Variants in KYNU observed in about 807,000 individuals in gnomAD.
KYNU encodes L-kynurenine hydrolase.
Under a neutral mutation model 59.2 loss-of-function variants are expected in KYNU, and 54 were observed. That is an observed-to-expected ratio of 0.91 (90% CI 0.73 to 1.14). The LOEUF is 1.14. Ranked by LOEUF, KYNU falls within the 50% of genes most tolerant of loss-of-function variation. The pLI is 0.00. For missense variants in KYNU, 567 were observed against 554.4 expected (o/e 1.02, Z -0.23); for synonymous variants, 177 against 192.0 (o/e 0.92, Z 0.65).
chr2:143,042,021 A>T (rs887882084), intron 13 of KYNU, 26 bp from the exon 14 acceptor site: 2 of 1,609,872 alleles, frequency 1.2e-6, no homozygotes, highest in African/African-American at 2.7e-5. Context: ...TGCTAACATT[A>T]TTGTGGCTTT....
intron 12 of KYNU, among the ~76,000 whole-genome samples, chr2:143,038,804 G>T (rs568382998): frequency 6.6e-6 from 1 of 152,210 alleles, no homozygotes; most frequent in African/African-American, 2.4e-5. Context: ...GCCTACACAT[G>T]CCACGTGTAC....
chr2:142,915,242 G>A (rs538593369), intron 2 of KYNU, among the ~76,000 whole-genome samples: 1 of 152,206 alleles, frequency 6.6e-6, no homozygotes, highest in East Asian at 1.9e-4. Context: ...GGAGATTGGA[G>A]GTCTCCAGTG....
At chr2:142,926,734 G>A (rs925556171) in intron 3 of KYNU, among the ~76,000 whole-genome samples, 1 of 152,212 alleles carries the variant, frequency 6.6e-6, no homozygotes, top group Admixed American at 6.5e-5. Context: ...AGTTGCTGGG[G>A]TCTGTCAGAA....
intron 10 of KYNU, among the ~76,000 whole-genome samples, chr2:143,012,470 A>G (rs1432709410): frequency 6.7e-6 from 1 of 149,996 alleles, no homozygotes; most frequent in African/African-American, 2.5e-5. Flanking sequence ...ATGACATAGC[A>G]TGACTCCATC....
chr2:142,964,369 C>G (rs548244185), intron 8 of KYNU, among the ~76,000 whole-genome samples: 2 of 152,128 alleles, frequency 1.3e-5, no homozygotes, highest in African/African-American at 4.8e-5. Flanking sequence ...ATCAATAATG[C>G]CAATCCTCCA....
At chr2:142,936,831 T>C (rs1683405954) in intron 4 of KYNU, among the ~76,000 whole-genome samples, 1 of 152,132 alleles carries the variant, frequency 6.6e-6, no homozygotes, top group Non-Finnish European at 1.5e-5. Flanking sequence ...CTCTCTGGGG[T>C]GGAGGGGTAG....
intron 5 of KYNU, 59 bp from the exon 6 acceptor site, chr2:142,956,144 A>T (rs546306552): frequency 0.02 from 19,313 of 945,266 alleles, 1,225 homozygotes; most frequent in African/African-American, 0.19. Flanking sequence ...TGTGACATAA[A>T]ATGAACAAAT....
At chr2:143,039,479 G>A (rs1006300787) in intron 12 of KYNU, among the ~76,000 whole-genome samples, 12 of 152,070 alleles carry the variant, frequency 7.9e-5, no homozygotes, top group Non-Finnish European at 1.5e-4. Context: ...ATTTATTAAG[G>A]TATGTTTTAC....
At chr2:143,040,109 G>A (rs1686994233) in intron 12 of KYNU, among the ~76,000 whole-genome samples, 1 of 152,068 alleles carries the variant, frequency 6.6e-6, no homozygotes, top group Non-Finnish European at 1.5e-5. Flanking sequence ...GGTCAGTACT[G>A]AAACAGTTGT....
At chr2:142,903,282 T>C (rs936403621) in intron 2 of KYNU, among the ~76,000 whole-genome samples, 5 of 152,032 alleles carry the variant, frequency 3.3e-5, no homozygotes, top group African/African-American at 1.2e-4. Flanking sequence ...CGGGCATTAT[T>C]TGCTCGTCCA....
At chr2:143,025,408 G>A (rs759392513) in intron 10 of KYNU, among the ~76,000 whole-genome samples, 1 of 152,122 alleles carries the variant, frequency 6.6e-6, no homozygotes, top group Non-Finnish European at 1.5e-5. Context: ...GGCTAGGGGA[G>A]AAAGGATACA....
At chr2:142,941,273 T>C (rs1380329446) in intron 4 of KYNU, among the ~76,000 whole-genome samples, 4 of 152,210 alleles carry the variant, frequency 2.6e-5, no homozygotes, top group African/African-American at 9.7e-5. Flanking sequence ...AAAATACTTT[T>C]ACCACTTGGA....
chr2:142,949,390 C>T (rs1259019739), intron 4 of KYNU, among the ~76,000 whole-genome samples: 1 of 152,232 alleles, frequency 6.6e-6, no homozygotes, highest in Non-Finnish European at 1.5e-5. Flanking sequence ...AGCAGAGGTT[C>T]TCCATGAGGA....
intron 10 of KYNU, chr2:142,989,309 G>A: frequency 1.1e-6 from 1 of 895,430 alleles, no homozygotes; most frequent in Non-Finnish European, 1.4e-6. Flanking sequence ...TGTTTAATAA[G>A]CCTTCTGTCA....
chr2:142,943,759 C>A (rs890365839), intron 4 of KYNU, among the ~76,000 whole-genome samples: 7 of 152,158 alleles, frequency 4.6e-5, no homozygotes, highest in Non-Finnish European at 1.5e-5. Context: ...AGCTATCCCC[C>A]CACAGCTGCA....
intron 3 of KYNU, among the ~76,000 whole-genome samples, chr2:142,927,094 T>C (rs969834004): frequency 3.3e-5 from 5 of 152,242 alleles, no homozygotes; most frequent in African/African-American, 1.2e-4. Flanking sequence ...ATAATAAAAT[T>C]GAGCTGGAAT....
intron 10 of KYNU, among the ~76,000 whole-genome samples, chr2:143,004,942 C>T (rs1685825973): frequency 6.6e-6 from 1 of 152,122 alleles, no homozygotes; most frequent in Admixed American, 6.5e-5. Context: ...GCCATCTGAT[C>T]CAATGCATCA....
chr2:142,998,850 T>C (rs1398928730), intron 10 of KYNU, among the ~76,000 whole-genome samples: 1 of 151,328 alleles, frequency 6.6e-6, no homozygotes, highest in Non-Finnish European at 1.5e-5. Context: ...CTACTAAAAA[T>C]ACAAAAAAGT....
intron 8 of KYNU, among the ~76,000 whole-genome samples, chr2:142,978,390 T>A (rs1260164150): frequency 6.6e-6 from 1 of 152,204 alleles, no homozygotes; most frequent in Non-Finnish European, 1.5e-5. Flanking sequence ...AGAAATGATA[T>A]TCAGAACACT....
Sources: allele counts gnomAD v4.1 joint callset (sites outside exome capture counted in the v4.1 genomes callset), GRCh38; gene constraint gnomAD v4.1.1; transcripts MANE v1.5; gene names NCBI Gene and HGNC (gene_info 2026-07-23, HGNC 2026-07-21).